The following PCDHGA5 variants were observed in gnomAD, a reference collection of about 807,000 sequenced individuals.
The protein encoded by PCDHGA5 is protocadherin gamma-A5.
In PCDHGA5, 36 loss-of-function variants were observed where a neutral mutation model predicts 56.7. The ratio of observed to expected loss-of-function variants is 0.64; its 90% CI spans 0.49 to 0.84. PCDHGA5 has a LOEUF of 0.84. Ranked by LOEUF, PCDHGA5 falls within the 40% of genes least tolerant of loss-of-function variation. The pLI, the probability that PCDHGA5 is intolerant of heterozygous loss-of-function variation, is 0.00. For missense variants in PCDHGA5, 1,305 were observed against 1,201.5 expected, an observed-to-expected ratio of 1.09 and a Z score of -1.27; for synonymous variants, 563 against 520.2, an observed-to-expected ratio of 1.08 and a Z score of -1.12.
chr5:141,511,823 G>A lies in PCDHGA5; in HGVS notation c.*650G>A, dbSNP rs1490513046. On this transcript the variant is annotated 3_prime_UTR_variant, in exon 4 of 4. Transcript: ENST00000518069. ...TTTTGCTACCAAGCCTCTTCCCAACGCCCTGGGGACCAGTCTTCTGTTTTG... is the reference window on the plus strand; with the variant it reads ...TTTTGCTACCAAGCCTCTTCCCAACACCCTGGGGACCAGTCTTCTGTTTTG... 4 of 156,728 alleles carry A rather than the reference G, an allele frequency of 2.6e-5. No homozygotes were observed. The highest frequency in any genetic ancestry group is 3.2e-3 in the Middle Eastern group (1 of 316). 9.7% of individuals were successfully genotyped at this position (156,728 alleles called of 1,614,324 possible). A position where few individuals can be genotyped will look rare whatever the true frequency, so the allele number is the denominator to read the frequency against.
chr5:141,438,627 T>TAC (rs2098030812), intron 1 of PCDHGA5, among the ~76,000 whole-genome samples: 3 of 48,012 alleles, frequency 6.2e-5, no homozygotes, highest in Non-Finnish European at 1.0e-4. Flanking sequence ...TATATATATA[T>TAC]ATATATATAC....
At position 141,433,052 on chromosome 5, in the gene PCDHGA5, A is replaced by G. The variant is rs757503771; in HGVS notation, c.2422-61755A>G. The G allele has an allele frequency of 3.1e-6, 5 of 1,614,178 alleles. No individual in the cohort carries two copies. In the Admixed American group the frequency reaches 8.3e-5, roughly 27 times the overall value. ...GGTTTCCCTCACCACGGACTCGCGG[A>G]AGAGTCACCTGATCTTCCCCCAGCC... On this transcript the variant is annotated intron_variant, in intron 1 of 3. Transcript: ENST00000518069.
In PCDHGA5 at chr5:141,476,978, C is replaced by G; in HGVS notation, c.2422-17829C>G. 1.2e-6 allele frequency: 2 copies of G among 1,614,256 alleles called. No individual in the cohort carries two copies. Among genetic ancestry groups the G allele is most frequent in the Non-Finnish European group, 1.7e-6 (2 of 1,180,058 alleles). Reference sequence around the variant, plus strand: ...TATTTACTCCTTCGGCAGCCACAACCGCGCCGGCGTGCGGCAACTATTCGC... The same window carrying G: ...TATTTACTCCTTCGGCAGCCACAACGGCGCCGGCGTGCGGCAACTATTCGC... On this transcript the variant is annotated intron_variant, in intron 1 of 3. Transcript: ENST00000518069. This position sits in a 1 kb window ranked among gnomAD's most constrained non-coding sequence, Gnocchi z 7.6.
Position 141,432,593 on chromosome 5 carries a change from A to G in PCDHGA5, c.2422-62214A>G, listed in dbSNP as rs2097518945. ...GCTGTCCTACCGTCTGCTCAAGGCC[A>G]GCGAGCCGGGACTCTTCTCGGTGGG... On this transcript the variant is annotated intron_variant, in intron 1 of 3. Transcript: ENST00000518069. The surrounding 1 kb of genome is among the most constrained non-coding windows in gnomAD (Gnocchi z 6.0). 6.2e-7 allele frequency: 1 copy of G among 1,612,958 alleles called. No individual in the cohort carries two copies. Among genetic ancestry groups the G allele is most frequent in the Non-Finnish European group, 8.5e-7 (1 of 1,179,834 alleles).
chr5:141,410,180 C>G (rs776702898), intron 1 of PCDHGA5: 43 of 1,613,802 alleles, frequency 2.7e-5, no homozygotes, highest in Non-Finnish European at 3.4e-5. Context: ...CACCGCCACG[C>G]TTCATCTGGT....
At chr5:141,392,815 T>C (rs1361544072) in intron 1 of PCDHGA5, 8 of 1,586,560 alleles carry the variant, frequency 5.0e-6, no homozygotes, top group East Asian at 2.2e-5. Flanking sequence ...AAAACAACAA[T>C]GGCCGCTCCA....
intron 1 of PCDHGA5, chr5:141,399,856 G>T: frequency 6.2e-7 from 1 of 1,612,894 alleles, no homozygotes; most frequent in South Asian, 1.1e-5. Context: ...GGTGCCGCGC[G>T]CTGCAGAGCC....
At chr5:141,408,780 A>G (rs1304526612) in intron 1 of PCDHGA5, 1 of 1,612,372 alleles carries the variant, frequency 6.2e-7, no homozygotes, top group Non-Finnish European at 8.5e-7. Flanking sequence ...AAATACCCAG[A>G]GTTATCTCTG....
intron 2 of PCDHGA5, among the ~76,000 whole-genome samples, chr5:141,498,436 A>G (rs566463876): frequency 6.6e-6 from 1 of 152,268 alleles, no homozygotes; most frequent in East Asian, 1.9e-4. Flanking sequence ...GGGGATGAAG[A>G]GGAGAGGTTC....
intron 1 of PCDHGA5, chr5:141,371,027 C>A: frequency 6.2e-7 from 1 of 1,613,992 alleles, no homozygotes; most frequent in South Asian, 1.1e-5. Context: ...ACCACCTGGT[C>A]CTCACAGCTG....
rs775153988 is a variant in PCDHGA5 at position 141,485,268 on chromosome 5, G to A, written c.2422-9539G>A. On this transcript the variant is annotated intron_variant, in intron 1 of 3. Coordinates refer to ENST00000518069, the MANE Select transcript of PCDHGA5 (RefSeq NM_018918.3). This position sits in a 1 kb window ranked among gnomAD's most constrained non-coding sequence, Gnocchi z 5.7. ...CTGGGTTACGTTTGTGGGCAGATCC[G>A]CTACCCGGTCCCAGAGGAGTCACAG... 6.2e-7 allele frequency: 1 copy of A among 1,614,100 alleles called. No homozygotes were observed. Among genetic ancestry groups the A allele is most frequent in the Non-Finnish European group, 8.5e-7 (1 of 1,179,936 alleles).
chr5:141,388,698 G>T (rs752631718), intron 1 of PCDHGA5: 2 of 1,613,886 alleles, frequency 1.2e-6, no homozygotes, highest in Admixed American at 1.7e-5. Context: ...CCAGGATGAG[G>T]GTGTCAATGC....
Position 141,432,108 on chromosome 5 carries a change from C to G in PCDHGA5, c.2422-62699C>G. ...GTGGCAGACACCAACGACAACCCGC[C>G]GGTCTTCCCTCAGGCCTCCTATTCC... On this transcript the variant is annotated intron_variant, in intron 1 of 3. Coordinates refer to ENST00000518069, the MANE Select transcript of PCDHGA5 (RefSeq NM_018918.3). The surrounding 1 kb of genome is among the most constrained non-coding windows in gnomAD (Gnocchi z 6.0). 4 of 1,614,180 alleles carry G rather than the reference C, an allele frequency of 2.5e-6. No homozygotes were observed. The highest frequency in any genetic ancestry group is 3.4e-6 in the Non-Finnish European group (4 of 1,180,046).
intron 1 of PCDHGA5, among the ~76,000 whole-genome samples, chr5:141,475,339 T>C (rs1295364417): frequency 1.3e-5 from 2 of 152,188 alleles, no homozygotes; most frequent in Non-Finnish European, 2.9e-5. Flanking sequence ...AACAATGACA[T>C]CCAGTTTTAA....
Position 141,486,390 on chromosome 5 carries a change from C to G in PCDHGA5, c.2422-8417C>G. 6.2e-7 allele frequency: 1 copy of G among 1,614,138 alleles called. No individual in the cohort carries two copies. The highest frequency in any genetic ancestry group is 8.5e-7 in the Non-Finnish European group (1 of 1,179,996). Reference sequence around the variant, plus strand: ...AAGTCTGCCTTCAGGAACCAGTTCTCCCTGGTGACTGCTGGACCCTTGGAT... The same window carrying G: ...AAGTCTGCCTTCAGGAACCAGTTCTGCCTGGTGACTGCTGGACCCTTGGAT... On this transcript the variant is annotated intron_variant, in intron 1 of 3. Coordinates refer to ENST00000518069, the MANE Select transcript of PCDHGA5 (RefSeq NM_018918.3). This position sits in a 1 kb window ranked among gnomAD's most constrained non-coding sequence, Gnocchi z 5.0.
chr5:141,420,246 T>C (rs1216078492), intron 1 of PCDHGA5: 3 of 1,583,234 alleles, frequency 1.9e-6, no homozygotes, highest in African/African-American at 2.7e-5. Context: ...ACTCCCAGCG[T>C]TGAAGCAGAT....
Position 141,366,046 on chromosome 5 carries a change from C to T in PCDHGA5, c.1716C>T (p.Ser572=). 6.2e-7 allele frequency: 1 copy of T among 1,614,240 alleles called. No individual in the cohort carries two copies. Among genetic ancestry groups the T allele is most frequent in the Non-Finnish European group, 8.5e-7 (1 of 1,180,046 alleles). Residue 572 remains serine, a synonymous_variant, in exon 1 of 4, where the codon TCC becomes TCT. Coordinates refer to ENST00000518069, the MANE Select transcript of PCDHGA5 (RefSeq NM_018918.3). ...ILYPALPTDG[S]TGVELAPRSA... ...ACCCCGCCCTCCCCACAGACGGTTC[C>T]ACGGGCGTGGAGCTGGCGCCTCGCT...
intron 1 of PCDHGA5, among the ~76,000 whole-genome samples, chr5:141,463,099 A>G (rs1445730117): frequency 1.4e-4 from 21 of 152,204 alleles, no homozygotes; most frequent in Admixed American, 1.4e-3. Context: ...CTATGTGACC[A>G]TCAAGAATTC....
chr5:141,405,529 C>G, intron 1 of PCDHGA5: 1 of 654,350 alleles, frequency 1.5e-6, no homozygotes, highest in Middle Eastern at 4.2e-4. Flanking sequence ...AAGCGATTCT[C>G]CTGCCTCAGC....
Sources: allele counts gnomAD v4.1 joint callset (sites outside exome capture counted in the v4.1 genomes callset), GRCh38; gene constraint gnomAD v4.1.1; non-coding constraint Gnocchi (gnomAD v3.1); transcripts MANE v1.5; gene names NCBI Gene and HGNC (gene_info 2026-07-23, HGNC 2026-07-21).